CCDC7: variants seen among roughly 807,000 people sequenced by gnomAD.
CCDC7 encodes coiled-coil domain containing 7.
Under a neutral mutation model 196.9 loss-of-function variants are expected in CCDC7, and 183 were observed. The ratio of observed to expected loss-of-function variants is 0.93; its 90% CI spans 0.82 to 1.05. The LOEUF (loss-of-function observed/expected upper bound fraction) is 1.05, where lower values mean the gene tolerates loss of function less well. Among genes scored for constraint, CCDC7 ranks in the 50% least tolerant of loss-of-function variants. CCDC7 has a pLI of 0.00. For missense variants in CCDC7, 1,540 were observed against 1,482.2 expected (o/e 1.04, Z -0.64); for synonymous variants, 525 against 484.6 (o/e 1.08, Z -1.10).
chr10:32,670,366 A>G (rs1348639186), intron 21 of CCDC7, among the ~76,000 whole-genome samples: 1 of 151,444 alleles, frequency 6.6e-6, no homozygotes, highest in Non-Finnish European at 1.5e-5. Context: ...GATTTCCTAT[A>G]CTTTTATTTA....
chr10:32,748,137 C>T (rs1205581054), intron 28 of CCDC7, among the ~76,000 whole-genome samples: 1 of 152,156 alleles, frequency 6.6e-6, no homozygotes, highest in African/African-American at 2.4e-5. Flanking sequence ...CACATGTTCT[C>T]ACTTATAAGT....
chr10:32,826,730 C>T (rs570868340), intron 32 of CCDC7, among the ~76,000 whole-genome samples: 47 of 152,344 alleles, frequency 3.1e-4, no homozygotes, highest in African/African-American at 1.1e-3. Context: ...GTTATGCAGG[C>T]ACCACTCGAA....
intron 20 of CCDC7, among the ~76,000 whole-genome samples, chr10:32,662,989 C>T (rs1215755673): frequency 5.3e-5 from 8 of 150,270 alleles, no homozygotes; most frequent in Non-Finnish European, 4.4e-5. Context: ...CACAGTTGGA[C>T]CAAATTAGTC....
intron 20 of CCDC7, among the ~76,000 whole-genome samples, chr10:32,635,598 A>G (rs557043055): frequency 2.2e-4 from 33 of 152,264 alleles, no homozygotes; most frequent in African/African-American, 7.9e-4. Context: ...CAGCCTGGGC[A>G]ATGAAGTGAG....
chr10:32,487,898 G>A (rs1203790152), intron 8 of CCDC7, among the ~76,000 whole-genome samples: 1 of 152,204 alleles, frequency 6.6e-6, no homozygotes, highest in African/African-American at 2.4e-5. Flanking sequence ...TGCCCTTTCT[G>A]GGGGGTGCCT....
chr10:32,497,128 A>G (rs1026899663), intron 9 of CCDC7, among the ~76,000 whole-genome samples: 4 of 152,104 alleles, frequency 2.6e-5, no homozygotes, highest in Admixed American at 1.3e-4. Flanking sequence ...GGGAGGGTGT[A>G]TGTGTCCTGG....
chr10:32,721,729 G>T (rs1440799223), intron 25 of CCDC7, among the ~76,000 whole-genome samples: 1 of 152,054 alleles, frequency 6.6e-6, no homozygotes, highest in African/African-American at 2.4e-5. Context: ...TTTGTACCTT[G>T]TCTGTATTCT....
intron 18 of CCDC7, among the ~76,000 whole-genome samples, chr10:32,596,829 T>C (rs1018330239): frequency 2.0e-5 from 3 of 152,344 alleles, no homozygotes; most frequent in East Asian, 3.9e-4. Flanking sequence ...AAAATTCTTT[T>C]CTTTAAGAAT....
At chr10:32,694,661 T>C (rs1235827919) in intron 23 of CCDC7, among the ~76,000 whole-genome samples, 2 of 152,218 alleles carry the variant, frequency 1.3e-5, no homozygotes, top group African/African-American at 2.4e-5. Flanking sequence ...GTGACTAATA[T>C]ATATCAGATG....
intron 8 of CCDC7, among the ~76,000 whole-genome samples, chr10:32,479,234 A>G (rs1333685989): frequency 6.6e-6 from 1 of 152,046 alleles, no homozygotes; most frequent in Non-Finnish European, 1.5e-5. Flanking sequence ...TAATTGCTCT[A>G]GCTAGGAATT....
Position 32,551,847 on chromosome 10 carries a change from C to T in CCDC7, c.1134+7546C>T, listed in dbSNP as rs535125787. Reference sequence around the variant, plus strand: ...GGTCTATCCTGGAGAAAGTTCCATGCGCTGTTGAATAGAATGTGTATTCTG... The same window carrying T: ...GGTCTATCCTGGAGAAAGTTCCATGTGCTGTTGAATAGAATGTGTATTCTG... On this transcript the variant is annotated intron_variant, in intron 13 of 41. Transcript: ENST00000639629. Among the ~76,000 whole-genome samples, 47 of 152,132 alleles carry T rather than the reference C, an allele frequency of 3.1e-4. 1 individual carries two copies. Among genetic ancestry groups the T allele is most frequent in the East Asian group, 7.7e-4 (4 of 5,184 alleles).
intron 5 of CCDC7, among the ~76,000 whole-genome samples, chr10:32,464,324 G>GTTC (rs2036312446): frequency 6.6e-6 from 1 of 152,148 alleles, no homozygotes; most frequent in African/African-American, 2.4e-5. Context: ...CTAAATACAA[G>GTTC]CTGTTGGTTG....
At chr10:32,858,579 C>T (rs866860605) in intron 41 of CCDC7, among the ~76,000 whole-genome samples, 26 of 152,204 alleles carry the variant, frequency 1.7e-4, no homozygotes, top group Middle Eastern at 3.4e-3. Context: ...GATGATCCCC[C>T]ATGATGGTCT....
chr10:32,805,481 G>A (rs985091465), intron 30 of CCDC7, among the ~76,000 whole-genome samples: 1 of 152,202 alleles, frequency 6.6e-6, no homozygotes, highest in African/African-American at 2.4e-5. Context: ...GAAAAAGACA[G>A]TTGTTTTATT....
chr10:32,817,254 G>A (rs1464723053), intron 31 of CCDC7, among the ~76,000 whole-genome samples: 2 of 152,064 alleles, frequency 1.3e-5, no homozygotes, highest in East Asian at 3.9e-4. Context: ...AAGATCAAAT[G>A]AATGAAATGA....
intron 31 of CCDC7, 101 bp from the exon 33 acceptor site, chr10:32,824,417 C>T (rs1010477654): frequency 2.9e-5 from 19 of 649,222 alleles, no homozygotes; most frequent in Non-Finnish European, 4.9e-5. Flanking sequence ...TAATTCTACT[C>T]CAATGAAGAA....
At chr10:32,765,913 T>C (rs1022751346) in intron 28 of CCDC7, among the ~76,000 whole-genome samples, 3 of 152,086 alleles carry the variant, frequency 2.0e-5, no homozygotes, top group Non-Finnish European at 4.4e-5. Flanking sequence ...CAGTTTTCTT[T>C]TAGCTGGAAA....
At chr10:32,695,523 G>C (rs11596495) in intron 24 of CCDC7, among the ~76,000 whole-genome samples, 1 of 152,106 alleles carries the variant, frequency 6.6e-6, no homozygotes, top group African/African-American at 2.4e-5. Flanking sequence ...GAAGATGCCC[G>C]TTAAGGGAAT....
At chr10:32,758,836 A>G (rs1013831140) in intron 28 of CCDC7, among the ~76,000 whole-genome samples, 15 of 152,216 alleles carry the variant, frequency 9.9e-5, no homozygotes, top group Non-Finnish European at 2.1e-4. Context: ...ATGATTGTAT[A>G]TTTAGAAAAC....
Sources: allele counts gnomAD v4.1 joint callset (sites outside exome capture counted in the v4.1 genomes callset), GRCh38; gene constraint gnomAD v4.1.1; transcripts MANE v1.5; gene names NCBI Gene and HGNC (gene_info 2026-07-23, HGNC 2026-07-21).